The following CFAP299 variants were observed in gnomAD, a reference collection of about 807,000 sequenced individuals.
CFAP299 encodes the protein cilia and flagella associated protein 299.
CFAP299 carries 21 observed loss-of-function variants against 27.0 expected under a neutral mutation model. The ratio of observed to expected loss-of-function variants is 0.78; its 90% CI spans 0.55 to 1.12. CFAP299 has a LOEUF of 1.12. CFAP299 is among the 50% of genes most tolerant of loss of function. The probability of loss-of-function intolerance (pLI) is 0.00; values close to 1 mark genes in which losing one functional copy is unlikely to be tolerated. For synonymous variants in CFAP299, 104 were observed against 98.1 expected (o/e 1.06, Z -0.36); for missense variants, 310 against 276.6 (o/e 1.12, Z -0.86).
chr4:80,844,712 C>G (rs1220765959), intron 3 of CFAP299, among the ~76,000 whole-genome samples: 1 of 152,074 alleles, frequency 6.6e-6, no homozygotes, highest in African/African-American at 2.4e-5. Context: ...GTTGCCTGTT[C>G]ACTCTGATGG....
intron 4 of CFAP299, among the ~76,000 whole-genome samples, chr4:80,880,145 A>T (rs1201281983): frequency 6.6e-6 from 1 of 151,964 alleles, no homozygotes; most frequent in Non-Finnish European, 1.5e-5. Flanking sequence ...GCGGGGAGAA[A>T]GGGGGGGAGA....
At chr4:80,781,741 C>A (rs1397840181) in intron 3 of CFAP299, among the ~76,000 whole-genome samples, 3 of 151,386 alleles carry the variant, frequency 2.0e-5, no homozygotes, top group Non-Finnish European at 4.4e-5. Flanking sequence ...AGAAAATGAC[C>A]AGATTACATA....
chr4:80,479,883 G>A (rs1005033692), intron 2 of CFAP299, among the ~76,000 whole-genome samples: 2 of 151,898 alleles, frequency 1.3e-5, no homozygotes, highest in African/African-American at 4.8e-5. Context: ...CACATTTTGG[G>A]AAGTCTTAAG....
chr4:80,544,584 A>T (rs1734144656), intron 2 of CFAP299, among the ~76,000 whole-genome samples: 2 of 152,216 alleles, frequency 1.3e-5, no homozygotes, highest in Non-Finnish European at 2.9e-5. Flanking sequence ...GTCAGATAAA[A>T]CAGAATTTAA....
chr4:80,849,215 A>T (rs1731358204), intron 3 of CFAP299, among the ~76,000 whole-genome samples: 1 of 152,096 alleles, frequency 6.6e-6, no homozygotes, highest in African/African-American at 2.4e-5. Flanking sequence ...CTTTGTTGTT[A>T]AAAACTAACA....
At chr4:80,474,829 G>T (rs1210875192) in intron 2 of CFAP299, among the ~76,000 whole-genome samples, 1 of 152,132 alleles carries the variant, frequency 6.6e-6, no homozygotes, top group Non-Finnish European at 1.5e-5. Flanking sequence ...TGTTCATGGG[G>T]CTTATATTCT....
At chr4:80,349,421 G>A (rs990158923) in intron 1 of CFAP299, among the ~76,000 whole-genome samples, 1 of 152,124 alleles carries the variant, frequency 6.6e-6, no homozygotes, top group Admixed American at 6.5e-5. Flanking sequence ...TGTCTGACTT[G>A]TATAAATAAA....
intron 3 of CFAP299, among the ~76,000 whole-genome samples, chr4:80,760,430 T>A (rs1253676192): frequency 6.6e-6 from 1 of 152,166 alleles, no homozygotes; most frequent in Non-Finnish European, 1.5e-5. Flanking sequence ...TTTCCCACCA[T>A]ATGTAACCAT....
chr4:80,873,142 G>A (rs1733194643), intron 4 of CFAP299: 1 of 410,086 alleles, frequency 2.4e-6, no homozygotes, highest in Non-Finnish European at 3.3e-6. Context: ...ATGGTAGTTA[G>A]GCAGTTGTTA....
intron 3 of CFAP299, among the ~76,000 whole-genome samples, chr4:80,779,516 A>T (rs1726751038): frequency 6.6e-6 from 1 of 151,462 alleles, no homozygotes; most frequent in Non-Finnish European, 1.5e-5. Flanking sequence ...TGCATCTATT[A>T]TTTTTTCTTC....
At chr4:80,675,891 T>G (rs1313412746) in intron 3 of CFAP299, among the ~76,000 whole-genome samples, 3 of 152,218 alleles carry the variant, frequency 2.0e-5, no homozygotes, top group Non-Finnish European at 4.4e-5. Flanking sequence ...CTATGATCAT[T>G]GGAAAAGCAC....
chr4:80,732,274 G>A (rs1464973628), intron 3 of CFAP299, among the ~76,000 whole-genome samples: 2 of 146,802 alleles, frequency 1.4e-5, no homozygotes, highest in Non-Finnish European at 3.0e-5. Flanking sequence ...TTTGTTTTAA[G>A]AATCACACAC....
chr4:80,328,328 A>G, the CFAP299 span, among the ~76,000 whole-genome samples: 1 of 152,210 alleles, frequency 6.6e-6, no homozygotes, highest in East Asian at 1.9e-4. Context: ...GGAGAAATGG[A>G]CAAAGCTAGG....
intron 2 of CFAP299, among the ~76,000 whole-genome samples, chr4:80,414,088 T>TTTTG (rs1726874144): frequency 6.7e-6 from 1 of 149,150 alleles, no homozygotes; most frequent in African/African-American, 2.5e-5. Flanking sequence ...TTTTTTTTTT[T>TTTTG]GAGACGGAGT....
intron 3 of CFAP299, among the ~76,000 whole-genome samples, chr4:80,819,546 A>C (rs1381024477): frequency 6.6e-6 from 1 of 152,148 alleles, no homozygotes; most frequent in African/African-American, 2.4e-5. Context: ...AAGTAAAAGG[A>C]GGGGAAATGC....
At chr4:80,746,095 G>A (rs778273655) in intron 3 of CFAP299, among the ~76,000 whole-genome samples, 4 of 151,866 alleles carry the variant, frequency 2.6e-5, no homozygotes, top group Non-Finnish European at 4.4e-5. Context: ...TAGAGAATTG[G>A]GAATATCATG....
intron 2 of CFAP299, among the ~76,000 whole-genome samples, chr4:80,385,074 A>C (rs1274850637): frequency 2.6e-5 from 4 of 152,166 alleles, no homozygotes; most frequent in Admixed American, 2.6e-4. Context: ...CCATCATCTC[A>C]CATCCCTATT....
intron 3 of CFAP299, among the ~76,000 whole-genome samples, chr4:80,800,516 TAA>T (rs1164720068): frequency 0.28 from 3,414 of 12,366 alleles, 478 homozygotes; most frequent in Non-Finnish European, 0.33. Flanking sequence ...ATATAATATA[TAA>T]TATATAATAT....
intron 2 of CFAP299, among the ~76,000 whole-genome samples, chr4:80,410,273 G>A (rs931493396): frequency 4.6e-5 from 7 of 152,142 alleles, no homozygotes; most frequent in Non-Finnish European, 8.8e-5. Flanking sequence ...CAAGGAATAC[G>A]GGGAAGTTTA....
Sources: gnomAD v4.1 joint callset for allele counts (sites outside exome capture counted in the v4.1 genomes callset) on GRCh38, gnomAD v4.1.1 for gene constraint, MANE v1.5 for transcripts, NCBI Gene and HGNC (gene_info 2026-07-23, HGNC 2026-07-21) for gene names.